SNX25: variants seen among roughly 807,000 people sequenced by gnomAD.
SNX25 encodes sorting nexin 25, also known as sorting nexin-25.
Under a neutral mutation model 113.7 loss-of-function variants are expected in SNX25, and 62 were observed. That is an observed-to-expected ratio of 0.55 (90% confidence interval 0.44 to 0.67). The LOEUF (loss-of-function observed/expected upper bound fraction) is 0.67. Among genes scored for constraint, SNX25 ranks in the 30% least tolerant of loss-of-function variants. SNX25 has a pLI of 0.00. For missense variants in SNX25, 1,014 were observed against 1,161.0 expected (o/e 0.87, Z 1.84); for synonymous variants, 421 against 436.2 (o/e 0.97, Z 0.43).
At chr4:185,246,457 G>T (rs1349822770) in intron 1 of SNX25, among the ~76,000 whole-genome samples, 1 of 152,082 alleles carries the variant, frequency 6.6e-6, no homozygotes, top group African/African-American at 2.4e-5. Flanking sequence ...GTATCTCATT[G>T]CTCTAATTTG....
At chr4:185,368,509 C>CA (rs2095400435), downstream of SNX25, among the ~76,000 whole-genome samples, 1 of 152,216 alleles carries the variant, frequency 6.6e-6, no homozygotes, top group African/African-American at 2.4e-5. Flanking sequence ...ACTGCCGGTC[C>CA]AGTGAACACC....
At chr4:185,244,074 C>T (rs145585099) in intron 1 of SNX25, among the ~76,000 whole-genome samples, 10 of 152,186 alleles carry the variant, frequency 6.6e-5, no homozygotes, top group East Asian at 3.9e-4. Flanking sequence ...CCTGGGTCAC[C>T]GCAGCCTGCA....
chr4:185,370,741 C>G, downstream of SNX25: 1 of 1,614,038 alleles, frequency 6.2e-7, no homozygotes, highest in Non-Finnish European at 8.5e-7. Context: ...ATGCCTCTGC[C>G]GATGAACTCC....
intron 11 of SNX25, among the ~76,000 whole-genome samples, chr4:185,340,775 G>C (rs1408544273): frequency 6.6e-6 from 1 of 152,176 alleles, no homozygotes; most frequent in African/African-American, 2.4e-5. Flanking sequence ...ACCATCACAA[G>C]GGTCTGTGCC....
At chr4:185,257,431 T>C (rs1331949745) in intron 2 of SNX25, among the ~76,000 whole-genome samples, 1 of 152,136 alleles carries the variant, frequency 6.6e-6, no homozygotes, top group Admixed American at 6.5e-5. Flanking sequence ...ACAGCGGCTA[T>C]AGAGCACCCC....
chr4:185,241,453 C>CGGG (rs367561136), intron 1 of SNX25, among the ~76,000 whole-genome samples: 1 of 95,912 alleles, frequency 1.0e-5, no homozygotes, highest in Admixed American at 1.2e-4. Context: ...GGCTCGGCAT[C>CGGG]GGGGAGACCG....
At chr4:185,362,431 A>G (rs1292256758) in intron 17 of SNX25, 180 bp from the exon 18 acceptor site, 1 of 858,556 alleles carries the variant, frequency 1.2e-6, no homozygotes, top group Non-Finnish European at 1.4e-6. Context: ...TGTAATTTGT[A>G]TAAGTGCCTT....
chr4:185,219,287 C>T (rs973132705), intron 1 of SNX25, among the ~76,000 whole-genome samples: 2 of 152,062 alleles, frequency 1.3e-5, no homozygotes, highest in Non-Finnish European at 1.5e-5. Flanking sequence ...GGGCTGGGTG[C>T]AGTGGCTCAC....
chr4:185,240,180 A>C lies in SNX25; in HGVS notation c.430-7114A>C, dbSNP rs527532995. Among the ~76,000 whole-genome samples, 99 of 152,126 alleles carry C rather than the reference A, an allele frequency of 6.5e-4. 1 individual carries two copies. The highest frequency in any genetic ancestry group is 3.4e-3 in the Middle Eastern group (1 of 294). On this transcript the variant is annotated intron_variant, in intron 1 of 18. Coordinates refer to ENST00000652585, the MANE Select transcript of SNX25 (RefSeq NM_001378034.2). ...CATGTCTACCTCTTTCTACACAGAC[A>C]TGGCAACCATCCGATTTCTCAGTCT...
At chr4:185,237,448 G>T (rs1015473508) in intron 1 of SNX25, among the ~76,000 whole-genome samples, 1 of 152,148 alleles carries the variant, frequency 6.6e-6, no homozygotes, top group Admixed American at 6.5e-5. Flanking sequence ...GTTATGCTGT[G>T]TCTTACTGGT....
rs74623452 is a variant in SNX25, at chr4:185,271,989, T to C, written c.1091+4834T>C. On this transcript the variant is annotated intron_variant, in intron 5 of 18. Transcript: ENST00000652585. ...TGTATGTCAGAACCACTGAGACCTT[T>C]TAAAAAAGTAAGTTGTATATTCCAC... is the stretch of plus-strand genomic sequence containing the variant. 7.9e-5 allele frequency among the ~76,000 whole-genome samples: 12 copies of C among 152,358 alleles called. No individual in the cohort carries two copies. In the East Asian group the frequency reaches 2.3e-3, roughly 29 times the overall value.
chr4:185,293,720 T>G (rs1752486394), intron 6 of SNX25, among the ~76,000 whole-genome samples: 1 of 152,224 alleles, frequency 6.6e-6, no homozygotes. Flanking sequence ...GATTTTTAAT[T>G]TTTTCTGTTT....
chr4:185,301,737 C>A (rs1490257173), intron 6 of SNX25, among the ~76,000 whole-genome samples: 1 of 150,754 alleles, frequency 6.6e-6, no homozygotes, highest in Non-Finnish European at 1.5e-5. Context: ...CAGGCATGCG[C>A]CAGCACGCTC....
At chr4:185,234,367 GA>G (rs892740284) in intron 1 of SNX25, among the ~76,000 whole-genome samples, 1 of 152,180 alleles carries the variant, frequency 6.6e-6, no homozygotes, top group Non-Finnish European at 1.5e-5. Context: ...TCATTTTTCG[GA>G]AAGGAAATTA....
intron 6 of SNX25, among the ~76,000 whole-genome samples, chr4:185,293,182 C>T (rs552489371): frequency 6.6e-6 from 1 of 152,244 alleles, no homozygotes; most frequent in African/African-American, 2.4e-5. Context: ...AAACTGGAAA[C>T]CTTATACATT....
chr4:185,291,137 T>C (rs772067017), intron 6 of SNX25, among the ~76,000 whole-genome samples: 1 of 151,598 alleles, frequency 6.6e-6, no homozygotes, highest in Non-Finnish European at 1.5e-5. Flanking sequence ...TTTCTGGCCC[T>C]GATCATTTAA....
chr4:185,275,606 T>C (rs1279725889), intron 5 of SNX25, among the ~76,000 whole-genome samples: 1 of 152,214 alleles, frequency 6.6e-6, no homozygotes, highest in African/African-American at 2.4e-5. Context: ...ATTCTTAAAA[T>C]AGCATGCTTC....
At chr4:185,339,963 G>T (rs999162173) in intron 11 of SNX25, among the ~76,000 whole-genome samples, 1 of 151,634 alleles carries the variant, frequency 6.6e-6, no homozygotes, top group African/African-American at 2.4e-5. Context: ...TGTTTTTTTT[G>T]AGGGATATGA....
chr4:185,280,459 G>A (rs3112872), intron 5 of SNX25, among the ~76,000 whole-genome samples: 61,989 of 152,044 alleles, frequency 0.41, 12,935 homozygotes, highest in East Asian at 0.56. Context: ...ATAGAAAAAG[G>A]TTATAAAGAT....
Sources: gnomAD v4.1 joint callset for allele counts (sites outside exome capture counted in the v4.1 genomes callset) on GRCh38, gnomAD v4.1.1 for gene constraint, MANE v1.5 for transcripts, NCBI Gene and HGNC (gene_info 2026-07-23, HGNC 2026-07-21) for gene names.